The following MED23 variants were observed in gnomAD, a reference collection of about 807,000 sequenced individuals.
MED23 encodes mediator complex subunit 23.
A neutral mutation model predicts 163.9 loss-of-function variants in MED23; 105 were observed. The ratio of observed to expected loss-of-function variants is 0.64; its 90% CI spans 0.55 to 0.75. The LOEUF (loss-of-function observed/expected upper bound fraction) is 0.75. Among genes scored for constraint, MED23 ranks in the 30% least tolerant of loss-of-function variants. The pLI is 0.00. For synonymous variants in MED23, 561 were observed against 565.6 expected (o/e 0.99, Z 0.12); for missense variants, 1,054 against 1,649.0 (o/e 0.64, Z 6.25).
chr6:131,610,024 G>A (rs763310726), intron 11 of MED23, 22 bp downstream of exon 11: 36 of 1,605,464 alleles, frequency 2.2e-5, no homozygotes, highest in Admixed American at 1.2e-4. Flanking sequence ...AAGTCACTCC[G>A]ACCATAAGAT....
chr6:131,576,613 A>G (rs1773624019), intron 30 of MED23: 1 of 1,528,884 alleles, frequency 6.5e-7, no homozygotes, highest in Admixed American at 1.7e-5. Context: ...TGCTGTGAGC[A>G]TCTGATGGTC....
At chr6:131,628,280 GA>G, upstream of MED23, 2 of 563,050 alleles carry the variant, frequency 3.6e-6, no homozygotes, top group Non-Finnish European at 6.4e-6. Flanking sequence ...AAACCCCGCA[GA>G]AACCAGCGGC....
At chr6:131,583,397 G>A (rs1303519696), downstream of MED23, 1 of 1,614,152 alleles carries the variant, frequency 6.2e-7, no homozygotes, top group Admixed American at 1.7e-5. Context: ...TTGACGGACT[G>A]GACCCATCTT....
downstream of MED23, chr6:131,583,261 G>C (rs1320646654): frequency 2.5e-6 from 4 of 1,603,286 alleles, no homozygotes; most frequent in Non-Finnish European, 3.4e-6. Context: ...GAAATAATGG[G>C]TTGCTACTTT....
chr6:131,625,198 G>C (rs935406647), intron 3 of MED23, among the ~76,000 whole-genome samples: 1 of 152,116 alleles, frequency 6.6e-6, no homozygotes, highest in African/African-American at 2.4e-5. Flanking sequence ...TAATTACATA[G>C]ATAAAATGCT....
intron 4 of MED23, 46 bp from the exon 5 acceptor site, chr6:131,623,508 C>G (rs1487328231): frequency 6.6e-7 from 1 of 1,507,760 alleles, no homozygotes; most frequent in Non-Finnish European, 9.2e-7. Flanking sequence ...CAGAATTTTC[C>G]AAGTTCTCTA....
chr6:131,582,575 G>T (rs1203354353), downstream of MED23: 3 of 1,446,962 alleles, frequency 2.1e-6, no homozygotes, highest in Middle Eastern at 3.5e-4. Flanking sequence ...TGTAGGATTT[G>T]TTCAAGAGAA....
intron 15 of MED23, among the ~76,000 whole-genome samples, chr6:131,603,548 G>T (rs1174531945): frequency 6.6e-6 from 1 of 151,916 alleles, no homozygotes; most frequent in Non-Finnish European, 1.5e-5. Context: ...TGAAGTATGA[G>T]GTTCACTTTT....
chr6:131,627,920 G>A, intron 1 of MED23, 91 bp downstream of exon 1: 2 of 1,507,628 alleles, frequency 1.3e-6, no homozygotes, highest in Non-Finnish European at 1.8e-6. Context: ...AGGCGTGAGA[G>A]GAGGTTGCCC....
intron 21 of MED23, 51 bp from the exon 22 acceptor site, chr6:131,596,214 TC>T: frequency 2.7e-6 from 4 of 1,498,508 alleles, no homozygotes; most frequent in Non-Finnish European, 2.8e-6. Context: ...TAAAAAATTC[TC>T]TTAAAAGAGC....
intron 12 of MED23, among the ~76,000 whole-genome samples, chr6:131,606,888 C>G (rs1038542323): frequency 1.3e-5 from 2 of 151,962 alleles, no homozygotes; most frequent in Admixed American, 1.3e-4. Flanking sequence ...TTCCTACTAT[C>G]GCAGAGCATT....
intron 9 of MED23, 85 bp from the exon 10 acceptor site, chr6:131,616,087 T>A (rs1485248200): frequency 1.8e-6 from 2 of 1,100,902 alleles, no homozygotes; most frequent in African/African-American, 3.1e-5. Context: ...AAAAATCCTC[T>A]AAAGGCACTT....
At chr6:131,608,602 T>C (rs1776032283) in intron 11 of MED23, among the ~76,000 whole-genome samples, 1 of 152,102 alleles carries the variant, frequency 6.6e-6, no homozygotes, top group South Asian at 2.1e-4. Context: ...GATGGGGTCT[T>C]GCCATGTTTC....
At chr6:131,612,194 G>C (rs114769436) in intron 10 of MED23, among the ~76,000 whole-genome samples, 10 of 151,668 alleles carry the variant, frequency 6.6e-5, no homozygotes, top group Non-Finnish European at 1.5e-4. Context: ...AAATTTCCCA[G>C]GTGTTTTTGG....
rs759832639 is a variant in MED23, at chr6:131,579,246, A to C, written c.4096-4951T>G. ...GCTGGCAAGGTGGCAGAAGTCAAGAAGAACGGAAGAATCAGCCTGGTGCTG... is the reference window on the plus strand; with the variant it reads ...GCTGGCAAGGTGGCAGAAGTCAAGACGAACGGAAGAATCAGCCTGGTGCTG... On this transcript the variant is annotated intron_variant, in intron 30 of 30. Transcript: ENST00000354577. 13 of 1,614,036 alleles carry C rather than the reference A, an allele frequency of 8.1e-6. No individual in the cohort carries two copies. The Admixed American group carries it at 2.2e-4, about 27-fold the overall frequency.
In MED23 at chr6:131,598,482, G is replaced by A. The variant is rs201131317; in HGVS notation, c.2427-15C>T. ...TCTCTAATACTCTGGAAGGCAGAGA[G>A]TAAAACATAAACTCCATTGTTGTAT... On this transcript the variant is annotated splice_polypyrimidine_tract_variant and intron_variant, in intron 19 of 28. Coordinates refer to ENST00000368068, the MANE Select transcript of MED23 (RefSeq NM_004830.4). The surrounding 1 kb of genome is among the most constrained non-coding windows in gnomAD (Gnocchi z 4.7). 1.2e-6 allele frequency: 2 copies of A among 1,614,084 alleles called. No individual in the cohort carries two copies. Among genetic ancestry groups the A allele is most frequent in the East Asian group, 2.2e-5 (1 of 44,870 alleles).
chr6:131,586,033 T>G (rs1043874014), downstream of MED23, among the ~76,000 whole-genome samples: 1 of 152,232 alleles, frequency 6.6e-6, no homozygotes, highest in African/African-American at 2.4e-5. Context: ...GCAGCAAGAA[T>G]ACATTGACGC....
intron 22 of MED23, among the ~76,000 whole-genome samples, chr6:131,594,964 A>G (rs1351446299): frequency 6.6e-6 from 1 of 152,206 alleles, no homozygotes; most frequent in African/African-American, 2.4e-5. Flanking sequence ...CCACCCCATC[A>G]AGTATGTATA....
At chr6:131,604,417 T>A in intron 14 of MED23, 97 bp from the exon 15 acceptor site, 1 of 1,314,404 alleles carries the variant, frequency 7.6e-7, no homozygotes, top group Non-Finnish European at 1.1e-6. Context: ...AATCTGAACT[T>A]AAATGATTCA....
Sources: allele counts gnomAD v4.1 joint callset (sites outside exome capture counted in the v4.1 genomes callset), GRCh38; gene constraint gnomAD v4.1.1; non-coding constraint Gnocchi (gnomAD v3.1); transcripts MANE v1.5; gene names NCBI Gene and HGNC (gene_info 2026-07-23, HGNC 2026-07-21).